Variants in SCD5 observed in about 807,000 individuals in gnomAD.
SCD5 encodes acyl-CoA-desaturase 4.
A neutral mutation model predicts 30.4 loss-of-function variants in SCD5; 20 were observed. The ratio of observed to expected loss-of-function variants is 0.66; its 90% CI spans 0.46 to 0.96. SCD5 has a LOEUF of 0.96. Ranked by LOEUF, SCD5 falls within the 40% of genes least tolerant of loss-of-function variation. The probability of loss-of-function intolerance (pLI) is 0.00; values close to 1 mark genes in which losing one functional copy is unlikely to be tolerated. For missense variants in SCD5, 381 were observed against 443.3 expected (o/e 0.86, Z 1.26); for synonymous variants, 173 against 176.4 (o/e 0.98, Z 0.16).
chr4:82,711,189 C>A (rs1354401154), intron 1 of SCD5, among the ~76,000 whole-genome samples: 3 of 152,126 alleles, frequency 2.0e-5, no homozygotes, highest in Non-Finnish European at 4.4e-5. Flanking sequence ...AAGATCCCCC[C>A]CCCGATAACC....
At chr4:82,714,228 C>G (rs1720173279) in intron 1 of SCD5, among the ~76,000 whole-genome samples, 1 of 152,202 alleles carries the variant, frequency 6.6e-6, no homozygotes, top group Non-Finnish European at 1.5e-5. Flanking sequence ...ATTCCATTTC[C>G]CTATTCCCCT....
chr4:82,679,972 C>G (rs1728533050), intron 3 of SCD5, among the ~76,000 whole-genome samples: 1 of 152,224 alleles, frequency 6.6e-6, no homozygotes, highest in Non-Finnish European at 1.5e-5. Context: ...TGTTGCCCAT[C>G]TTTGCACATA....
At chr4:82,660,182 G>A (rs1333985146) in intron 3 of SCD5, 2 of 152,360 alleles carry the variant, frequency 1.3e-5, no homozygotes, top group East Asian at 3.8e-4. Flanking sequence ...CAAGTTCTTA[G>A]AGACCTACAA....
chr4:82,666,082 T>A (rs1560528372), intron 3 of SCD5, among the ~76,000 whole-genome samples: 1 of 151,048 alleles, frequency 6.6e-6, no homozygotes, highest in Non-Finnish European at 1.5e-5. Context: ...GTTATAGAAA[T>A]TTTATAAGCT....
chr4:82,794,622 T>C (rs1722169669), intron 1 of SCD5, among the ~76,000 whole-genome samples: 1 of 152,014 alleles, frequency 6.6e-6, no homozygotes, highest in South Asian at 2.1e-4. Flanking sequence ...TGCAGGTTTT[T>C]CCTCTAGTTG....
chr4:82,797,414 T>G (rs1578072794), intron 1 of SCD5, among the ~76,000 whole-genome samples: 1 of 151,802 alleles, frequency 6.6e-6, no homozygotes, highest in Non-Finnish European at 1.5e-5. Flanking sequence ...TGCGAAGTGG[T>G]TCAAAGATCA....
At chr4:82,680,944 A>C (rs373951976) in intron 2 of SCD5, 32 bp from the exon 3 acceptor site, 88 of 1,592,932 alleles carry the variant, frequency 5.5e-5, no homozygotes, top group Admixed American at 1.7e-5. Context: ...GAGTGAAGAG[A>C]GGAACCGCAC....
intron 4 of SCD5, among the ~76,000 whole-genome samples, chr4:82,634,423 G>A (rs1263417761): frequency 2.6e-5 from 4 of 152,054 alleles, no homozygotes; most frequent in African/African-American, 9.7e-5. Context: ...ACCTCAAGAT[G>A]GATCCATCTG....
chr4:82,671,965 A>AGAAAAAAAT (rs1232328423), intron 3 of SCD5, among the ~76,000 whole-genome samples: 3 of 152,204 alleles, frequency 2.0e-5, no homozygotes, highest in Non-Finnish European at 4.4e-5. Flanking sequence ...ACATGGGCCA[A>AGAAAAAAAT]GAAAAAAATC....
At chr4:82,752,193 T>C (rs1367872659) in intron 1 of SCD5, among the ~76,000 whole-genome samples, 1 of 151,940 alleles carries the variant, frequency 6.6e-6, no homozygotes, top group Non-Finnish European at 1.5e-5. Context: ...TATGGGAATT[T>C]GTAGTTCTAT....
At chr4:82,787,858 C>T (rs1024652546) in intron 1 of SCD5, among the ~76,000 whole-genome samples, 1 of 152,122 alleles carries the variant, frequency 6.6e-6, no homozygotes, top group African/African-American at 2.4e-5. Context: ...AAAAGACCCT[C>T]ATTCTCTACA....
chr4:82,688,935 A>G (rs1040351583), intron 2 of SCD5, among the ~76,000 whole-genome samples: 2 of 152,226 alleles, frequency 1.3e-5, no homozygotes, highest in Non-Finnish European at 2.9e-5. Flanking sequence ...TTGGCAAATA[A>G]GTTGGTCTTC....
At chr4:82,786,268 G>T (rs1439745719) in intron 1 of SCD5, among the ~76,000 whole-genome samples, 1 of 152,156 alleles carries the variant, frequency 6.6e-6, no homozygotes, top group East Asian at 1.9e-4. Flanking sequence ...ATGTTAAGGA[G>T]GAGGGTGCTA....
intron 1 of SCD5, among the ~76,000 whole-genome samples, chr4:82,770,466 C>A (rs1351195973): frequency 6.6e-6 from 1 of 152,212 alleles, no homozygotes; most frequent in Non-Finnish European, 1.5e-5. Flanking sequence ...GCTGCTCTTA[C>A]TATACTTTCA....
In SCD5 at chr4:82,788,415, C is replaced by T. The variant is rs1307894442; in HGVS notation, c.232+9891G>A. Among the ~76,000 whole-genome samples, 3 of 151,712 alleles carry T rather than the reference C, an allele frequency of 2.0e-5. No individual in the cohort carries two copies. In the East Asian group the frequency reaches 5.8e-4, roughly 29 times the overall value. On this transcript the variant is annotated intron_variant, in intron 1 of 4. Transcript: ENST00000319540. ...ACTTTTTTTAAAATCTTTTTTATGACAGTCTCGCTCCGTCACCCAGGCTGG... is the reference window on the plus strand; with the variant it reads ...ACTTTTTTTAAAATCTTTTTTATGATAGTCTCGCTCCGTCACCCAGGCTGG...
rs1553917690 is a variant in SCD5 at position 82,720,441 on chromosome 4, TAAAA to T, written c.233-15032_233-15029del. On this transcript the variant is annotated intron_variant, in intron 1 of 4. Transcript: ENST00000319540. The stretch of plus-strand genomic sequence containing the variant: ...GATGCTGTCTCAAAAAAGGCAAAAA[TAAAA>T]AAAAAAAAAAAAAAAAAAGACAAAA... 2.8e-4 allele frequency among the ~76,000 whole-genome samples: 22 copies of T among 77,896 alleles called. No homozygotes were observed. In the South Asian group the frequency reaches 4.5e-3, roughly 16 times the overall value. The allele number at this position is 77,896 out of a possible 152,430, so 51.1% of individuals were successfully genotyped here.
intron 1 of SCD5, among the ~76,000 whole-genome samples, chr4:82,725,200 A>G (rs1413043472): frequency 1.3e-5 from 2 of 152,202 alleles, no homozygotes; most frequent in African/African-American, 4.8e-5. Context: ...TGAACTTCAG[A>G]AATAAACCTT....
intron 1 of SCD5, among the ~76,000 whole-genome samples, chr4:82,730,579 T>TC (rs1468026560): frequency 1.4e-5 from 2 of 138,240 alleles, no homozygotes; most frequent in South Asian, 2.2e-4. Flanking sequence ...TGTATTTTTT[T>TC]CCCTTCTTTT....
intron 2 of SCD5, among the ~76,000 whole-genome samples, chr4:82,685,568 C>T (rs188509138): frequency 6.6e-6 from 1 of 151,786 alleles, no homozygotes; most frequent in Admixed American, 6.6e-5. Flanking sequence ...CAAAAATTAG[C>T]CGGGCATGGT....
Sources: gnomAD v4.1 joint callset for allele counts (sites outside exome capture counted in the v4.1 genomes callset) on GRCh38, gnomAD v4.1.1 for gene constraint, MANE v1.5 for transcripts, NCBI Gene and HGNC (gene_info 2026-07-23, HGNC 2026-07-21) for gene names.